Variants in NASP observed in about 807,000 individuals in gnomAD.
NASP encodes the protein nuclear autoantigenic sperm protein, also known as NASP histone chaperone.
Under a neutral mutation model 89.5 loss-of-function variants are expected in NASP, and 24 were observed. That is an observed-to-expected ratio of 0.27 (90% CI 0.19 to 0.38). The LOEUF is 0.38. NASP is among the 10% of genes least tolerant of loss of function. The pLI is 1.00. For missense variants in NASP, 848 were observed against 921.4 expected, an observed-to-expected ratio of 0.92 and a Z score of 1.03; for synonymous variants, 306 against 324.7, an observed-to-expected ratio of 0.94 and a Z score of 0.62.
intron 2 of NASP, among the ~76,000 whole-genome samples, chr1:45,601,590 C>T (rs1162026268): frequency 1.3e-5 from 2 of 151,970 alleles, no homozygotes; most frequent in Non-Finnish European, 2.9e-5. Context: ...GCCCTGTTTA[C>T]CTAAATGCTT....
At chr1:45,593,415 CCCAG>C (rs1643601997) in intron 2 of NASP, among the ~76,000 whole-genome samples, 3 of 151,570 alleles carry the variant, frequency 2.0e-5, no homozygotes, top group African/African-American at 7.3e-5. Flanking sequence ...CGCCTATAAT[CCCAG>C]CTACTCGGGA....
At chr1:45,609,297 GTT>G (rs1017476657) in intron 6 of NASP, 3 of 152,128 alleles carry the variant, frequency 2.0e-5, no homozygotes, top group Admixed American at 2.0e-4. Context: ...GTTCTCGTAA[GTT>G]TTAGATTTTC....
chr1:45,616,735 G>T, intron 13 of NASP, 32 bp downstream of exon 13: 1 of 1,582,584 alleles, frequency 6.3e-7, no homozygotes, highest in East Asian at 2.2e-5. Context: ...CTTTTCTACC[G>T]TTTCCTCAGA....
At chr1:45,600,844 T>G (rs1237153523) in intron 2 of NASP, among the ~76,000 whole-genome samples, 1 of 152,214 alleles carries the variant, frequency 6.6e-6, no homozygotes, top group African/African-American at 2.4e-5. Flanking sequence ...CACCATCATT[T>G]GATATGTGGT....
At chr1:45,593,014 G>C (rs1570956302) in intron 2 of NASP, among the ~76,000 whole-genome samples, 1 of 152,056 alleles carries the variant, frequency 6.6e-6, no homozygotes, top group South Asian at 2.1e-4. Context: ...CTAATATATA[G>C]ATTTTGGATA....
intron 7 of NASP, 27 bp from the exon 8 acceptor site, chr1:45,614,069 T>A: frequency 6.7e-7 from 1 of 1,486,898 alleles, no homozygotes; most frequent in Non-Finnish European, 9.3e-7. Context: ...AAGATGCCTA[T>A]CTTTTTATTA....
In NASP at chr1:45,608,243, C is replaced by T. The variant is rs368583119; in HGVS notation, c.1332C>T (p.Ala444=). 3.7e-6 allele frequency: 6 copies of T among 1,613,516 alleles called. No homozygotes were observed. Among genetic ancestry groups the T allele is most frequent in the Non-Finnish European group, 5.1e-6 (6 of 1,179,776 alleles). The part of the protein sequence containing the change: ...AAGDGVDTKV[A]QGATEKSPED... The stretch of plus-strand genomic sequence containing the variant: ...GAGATGGGGTTGATACCAAGGTAGC[C>T]CAGGGAGCTACTGAGAAATCACCTG... Residue 444 remains alanine (A), a synonymous_variant, in exon 6 of 15, where the codon GCC becomes GCT. Transcript: ENST00000350030.
chr1:45,589,093 G>A (rs1643446475), intron 1 of NASP: 1 of 157,160 alleles, frequency 6.4e-6, no homozygotes, highest in African/African-American at 2.4e-5. Context: ...TGAATTAGAT[G>A]GAGTAGAATC....
chr1:45,593,098 C>T (rs889710024), intron 2 of NASP, among the ~76,000 whole-genome samples: 21 of 152,108 alleles, frequency 1.4e-4, no homozygotes, highest in Non-Finnish European at 4.4e-5. Flanking sequence ...GGGTAATTCT[C>T]GATTGCTGTA....
At position 45,584,076 on chromosome 1, in the gene NASP, C is replaced by T. The variant is rs553810163; in HGVS notation, c.-71C>T. On this transcript the variant is annotated 5_prime_UTR_variant, in exon 1 of 15. Transcript: ENST00000350030. The stretch of plus-strand genomic sequence containing the variant: ...CCATTTTCTGTCCCTGAGTGAGTCT[C>T]TGGCGTCCCAAATTGCCTGTTTTTC... The T allele has an allele frequency of 2.9e-5, 41 of 1,432,714 alleles. No homozygotes were observed. Among genetic ancestry groups the T allele is most frequent in the African/African-American group, 4.2e-5 (3 of 70,794 alleles). The allele number at this position is 1,432,714 out of a possible 1,614,324, so 88.8% of individuals were successfully genotyped here. A position where few individuals can be genotyped will look rare whatever the true frequency, so the allele number is the denominator to read the frequency against.
In NASP at chr1:45,587,661, C is replaced by CAT. The variant is rs1553169239; in HGVS notation, c.59+3482_59+3483dup. 1.4e-3 allele frequency among the ~76,000 whole-genome samples: 9 copies of CAT among 6,394 alleles called. 2 individuals are homozygous for CAT. Among genetic ancestry groups the CAT allele is most frequent in the African/African-American group, 5.1e-3 (7 of 1,386 alleles). The allele number at this position is 6,394 out of a possible 152,430, so 4.2% of individuals were successfully genotyped here. A position where few individuals can be genotyped will look rare whatever the true frequency, so the allele number is the denominator to read the frequency against. ...CTATGAGGTTTGTCTTGAGTTTTTT[C>CAT]ATATATATATATATATATATATATA... On this transcript the variant is annotated intron_variant, in intron 1 of 14. Transcript: ENST00000350030.
intron 7 of NASP, 107 bp downstream of exon 7, chr1:45,613,355 T>C (rs1257100155): frequency 7.8e-7 from 1 of 1,277,624 alleles, no homozygotes; most frequent in African/African-American, 1.5e-5. Context: ...ATCATGATCA[T>C]GGCTCACTGC....
At chr1:45,614,979 T>C (rs769982344) in intron 9 of NASP, 34 bp from the exon 10 acceptor site, 35 of 1,578,304 alleles carry the variant, frequency 2.2e-5, no homozygotes, top group Non-Finnish European at 3.0e-5. Flanking sequence ...TTGAATGCTG[T>C]CCATTTACTT....
intron 2 of NASP, among the ~76,000 whole-genome samples, chr1:45,598,166 C>G (rs1011900376): frequency 7.6e-6 from 1 of 131,332 alleles, no homozygotes; most frequent in African/African-American, 2.9e-5. Context: ...TCCATTACTC[C>G]TGTTACTTTT....
At chr1:45,613,388 A>G in intron 7 of NASP, 140 bp downstream of exon 7, 1 of 956,388 alleles carries the variant, frequency 1.0e-6, no homozygotes, top group Non-Finnish European at 1.5e-6. Context: ...GGCTTAAGTG[A>G]TCGCCTCACC....
Position 45,604,926 on chromosome 1 carries a change from C to T in NASP, c.219-10C>T. On this transcript the variant is annotated splice_polypyrimidine_tract_variant and intron_variant, in intron 3 of 14. Coordinates refer to ENST00000350030, the MANE Select transcript of NASP (RefSeq NM_002482.4). ...GTAATTCAGATTTTAGATGTTTATT[C>T]TCTTTGTAGAGGTAAGAAGTATGGA... 1 of 1,585,582 alleles carries T rather than the reference C, an allele frequency of 6.3e-7. No individual in the cohort carries two copies.
Position 45,618,214 on chromosome 1 carries a change from T to C in NASP, c.*73T>C, listed in dbSNP as rs187468787. The stretch of plus-strand genomic sequence containing the variant: ...GTATTTTTTCACTTTTGGAGGATTC[T>C]TTTTGTATAACTTCAATAAAGATTG... On this transcript the variant is annotated 3_prime_UTR_variant, in exon 15 of 15. Coordinates refer to ENST00000350030, the MANE Select transcript of NASP (RefSeq NM_002482.4). The C allele has an allele frequency of 1.1e-4, 129 of 1,217,456 alleles. 1 individual carries two copies. The African/African-American group carries it at 1.5e-3, about 14-fold the overall frequency. The allele number at this position is 1,217,456 out of a possible 1,614,324, so 75.4% of individuals were successfully genotyped here.
chr1:45,605,950 A>G (rs1269078095), intron 4 of NASP, among the ~76,000 whole-genome samples: 1 of 151,224 alleles, frequency 6.6e-6, no homozygotes, highest in Non-Finnish European at 1.5e-5. Context: ...CTAATTTTGT[A>G]TTTTTAGTAG....
intron 6 of NASP, among the ~76,000 whole-genome samples, chr1:45,608,773 G>T (rs1230659433): frequency 6.6e-6 from 1 of 152,132 alleles, no homozygotes; most frequent in Non-Finnish European, 1.5e-5. Flanking sequence ...CTCCTTTTCT[G>T]TGCGTTGGGA....
Sources: gnomAD v4.1 joint callset for allele counts (sites outside exome capture counted in the v4.1 genomes callset) on GRCh38, gnomAD v4.1.1 for gene constraint, MANE v1.5 for transcripts, NCBI Gene and HGNC (gene_info 2026-07-23, HGNC 2026-07-21) for gene names.